SYT16: variants seen among roughly 807,000 people sequenced by gnomAD.
SYT16 encodes the protein synaptotagmin 16, also known as synaptotagmin-16.
A neutral mutation model predicts 61.4 loss-of-function variants in SYT16; 42 were observed. The observed-to-expected ratio is 0.68, with a 90% CI of 0.53 to 0.89. The LOEUF is 0.89. Among genes scored for constraint, SYT16 ranks in the 40% least tolerant of loss-of-function variants. The pLI is 0.00. For synonymous variants in SYT16, 314 were observed against 302.3 expected (o/e 1.04, Z -0.40); for missense variants, 804 against 807.3 (o/e 1.00, Z 0.05).
chr14:62,086,594 A>C lies in SYT16; in HGVS notation c.1624+2209A>C, dbSNP rs562630798. ...GAGTCAGTATAGTGTATACTTTATAAGTTTGCATTCCTGTAATACATGCAA... is the reference window on the plus strand; with the variant it reads ...GAGTCAGTATAGTGTATACTTTATACGTTTGCATTCCTGTAATACATGCAA... On this transcript the variant is annotated intron_variant, in intron 7 of 7. Transcript: ENST00000683842. 9.2e-5 allele frequency among the ~76,000 whole-genome samples: 14 copies of C among 152,348 alleles called. No individual in the cohort carries two copies. In the East Asian group the frequency reaches 2.7e-3, roughly 29 times the overall value.
intron 1 of SYT16, among the ~76,000 whole-genome samples, chr14:61,945,781 G>A (rs1377609925): frequency 3.3e-5 from 5 of 149,272 alleles, no homozygotes; most frequent in African/African-American, 4.9e-5. Flanking sequence ...GCGTGAACCC[G>A]GGAGGCGGAA....
At chr14:61,973,442 A>T (rs1220215839) in intron 2 of SYT16, among the ~76,000 whole-genome samples, 3 of 152,052 alleles carry the variant, frequency 2.0e-5, no homozygotes, top group African/African-American at 4.8e-5. Flanking sequence ...GCATTATTTG[A>T]TTTCTTTATG....
At chr14:62,012,027 CTTT>C (rs34008938) in intron 3 of SYT16, among the ~76,000 whole-genome samples, 56,966 of 149,280 alleles carry the variant, frequency 0.38, 11,679 homozygotes, top group East Asian at 0.7. Context: ...TCTCATGCAC[CTTT>C]TTAGAATAGT....
chr14:61,822,986 T>A (rs895730019), intron 1 of SYT16, among the ~76,000 whole-genome samples: 39 of 152,134 alleles, frequency 2.6e-4, no homozygotes, highest in African/African-American at 7.7e-4. Flanking sequence ...TCTATTTTTT[T>A]ATTTTTTATT....
intron 1 of SYT16, among the ~76,000 whole-genome samples, chr14:61,824,919 G>A (rs975045109): frequency 7.2e-5 from 11 of 152,184 alleles, no homozygotes; most frequent in African/African-American, 2.2e-4. Context: ...GTGGCTAATC[G>A]AACTTGTGCT....
intron 1 of SYT16, among the ~76,000 whole-genome samples, chr14:61,877,470 C>T (rs1314351035): frequency 1.3e-5 from 2 of 152,188 alleles, no homozygotes; most frequent in Admixed American, 6.5e-5. Flanking sequence ...AAAAAACACA[C>T]ACCTGAGACT....
At chr14:61,944,993 C>T (rs1372517436) in intron 1 of SYT16, among the ~76,000 whole-genome samples, 1 of 152,020 alleles carries the variant, frequency 6.6e-6, no homozygotes, top group Non-Finnish European at 1.5e-5. Context: ...ATCTGTCTGA[C>T]AAAGGGCTAA....
intron 1 of SYT16, among the ~76,000 whole-genome samples, chr14:61,842,405 A>G (rs2046324548): frequency 6.6e-6 from 1 of 152,168 alleles, no homozygotes; most frequent in Non-Finnish European, 1.5e-5. Flanking sequence ...TAGGTCCCAC[A>G]AATAAATGAG....
chr14:61,884,582 A>G (rs1198725488), intron 1 of SYT16, among the ~76,000 whole-genome samples: 1 of 152,212 alleles, frequency 6.6e-6, no homozygotes, highest in Non-Finnish European at 1.5e-5. Context: ...TGAAGGACAA[A>G]GTTGAAAAGT....
intron 3 of SYT16, among the ~76,000 whole-genome samples, chr14:62,011,154 G>A (rs1159702027): frequency 1.3e-5 from 2 of 152,182 alleles, no homozygotes. Flanking sequence ...TATAAGCAAA[G>A]ATAAAGGTGT....
At position 62,017,723 on chromosome 14, in the gene SYT16, G is replaced by GT. The variant is rs796667323; in HGVS notation, c.523+21196dup. On this transcript the variant is annotated intron_variant, in intron 3 of 7. Transcript: ENST00000683842. ...AAGCAACCATTATTCTCAGTGTGTG[G>GT]TTTTTTTTTTTTTTTGAAATGAGGT... Among the ~76,000 whole-genome samples the GT allele has an allele frequency of 9.0e-3, 1,272 of 141,212 alleles. 13 individuals are homozygous for GT. The highest frequency in any genetic ancestry group is 0.045 in the East Asian group (223 of 4,930). 92.6% of individuals were successfully genotyped at this position (141,212 alleles called of 152,430 possible).
chr14:61,879,589 A>G (rs2047622396), intron 1 of SYT16, among the ~76,000 whole-genome samples: 1 of 152,088 alleles, frequency 6.6e-6, no homozygotes. Context: ...TCTTCGTTTT[A>G]AGGTACCTGC....
chr14:61,941,638 T>C (rs1171682317), intron 1 of SYT16, among the ~76,000 whole-genome samples: 1 of 152,214 alleles, frequency 6.6e-6, no homozygotes, highest in Non-Finnish European at 1.5e-5. Context: ...CCACTCATTT[T>C]TTCCCCTTAT....
At chr14:62,022,408 T>G (rs914045710) in intron 3 of SYT16, among the ~76,000 whole-genome samples, 1 of 152,204 alleles carries the variant, frequency 6.6e-6, no homozygotes, top group African/African-American at 2.4e-5. Context: ...ATTGTTCTTT[T>G]GAAGCTAATA....
intron 1 of SYT16, among the ~76,000 whole-genome samples, chr14:61,868,901 A>G (rs1011259446): frequency 6.6e-6 from 1 of 152,108 alleles, no homozygotes; most frequent in African/African-American, 2.4e-5. Flanking sequence ...AACAATGCTT[A>G]TGAATTAGTC....
At chr14:62,003,364 A>G (rs192125540) in intron 3 of SYT16, among the ~76,000 whole-genome samples, 1 of 151,722 alleles carries the variant, frequency 6.6e-6, no homozygotes, top group Admixed American at 6.6e-5. Context: ...TGTGACTCCC[A>G]TGGGTTCTGT....
chr14:62,014,038 C>G, intron 3 of SYT16, among the ~76,000 whole-genome samples: 1 of 152,032 alleles, frequency 6.6e-6, no homozygotes, highest in South Asian at 2.1e-4. Flanking sequence ...TCCACTTGTT[C>G]CTGGTTTTCT....
intron 1 of SYT16, among the ~76,000 whole-genome samples, chr14:61,942,056 A>G (rs984762917): frequency 2.0e-5 from 3 of 152,220 alleles, no homozygotes; most frequent in African/African-American, 2.4e-5. Flanking sequence ...CAACTCAACA[A>G]TGAATATTAT....
chr14:62,036,521 G>T (rs1959320), intron 3 of SYT16, among the ~76,000 whole-genome samples: 5 of 151,824 alleles, frequency 3.3e-5, no homozygotes, highest in Non-Finnish European at 5.9e-5. Flanking sequence ...GTCCATTCTC[G>T]TGCGGCTAAT....
Sources: allele counts gnomAD v4.1 joint callset (sites outside exome capture counted in the v4.1 genomes callset), GRCh38; gene constraint gnomAD v4.1.1; transcripts MANE v1.5; gene names NCBI Gene and HGNC (gene_info 2026-07-23, HGNC 2026-07-21).